Variants in CMBL observed in about 807,000 individuals in gnomAD.
CMBL encodes the protein carboxymethylenebutenolidase homolog (Pseudomonas).
Under a neutral mutation model 28.7 loss-of-function variants are expected in CMBL, and 17 were observed. That is an observed-to-expected ratio of 0.59 (90% confidence interval 0.41 to 0.89). The LOEUF (loss-of-function observed/expected upper bound fraction) is 0.89, where lower values mean the gene tolerates loss of function less well. Among genes scored for constraint, CMBL ranks in the 40% least tolerant of loss-of-function variants. The probability of loss-of-function intolerance (pLI) is 0.00; values close to 1 mark genes in which losing one functional copy is unlikely to be tolerated. For synonymous variants in CMBL, 106 were observed against 101.6 expected (o/e 1.04, Z -0.26); for missense variants, 310 against 298.5 (o/e 1.04, Z -0.28).
intron 1 of CMBL, among the ~76,000 whole-genome samples, chr5:10,302,479 A>AC (rs1251164329): frequency 4.0e-5 from 4 of 100,208 alleles, no homozygotes; most frequent in Non-Finnish European, 6.9e-5. Context: ...CCTTGTCTCT[A>AC]CTAAAAAAAA....
intron 2 of CMBL, among the ~76,000 whole-genome samples, chr5:10,290,139 C>G (rs942654333): frequency 1.3e-5 from 2 of 152,190 alleles, no homozygotes; most frequent in Non-Finnish European, 2.9e-5. Context: ...CCAGGAGGAG[C>G]CTTGGACACC....
chr5:10,300,511 A>T (rs759471948), intron 1 of CMBL, among the ~76,000 whole-genome samples: 1 of 152,168 alleles, frequency 6.6e-6, no homozygotes, highest in Non-Finnish European at 1.5e-5. Context: ...CAATATAATA[A>T]ATCTCCAGAC....
chr5:10,282,601 C>T (rs898773954), intron 4 of CMBL, among the ~76,000 whole-genome samples: 34 of 151,606 alleles, frequency 2.2e-4, no homozygotes, highest in Admixed American at 1.7e-3. Context: ...TGGGTAACAT[C>T]GCAAAACCCT....
chr5:10,293,755 C>T (rs781628619), intron 1 of CMBL, among the ~76,000 whole-genome samples: 11 of 152,218 alleles, frequency 7.2e-5, no homozygotes, highest in East Asian at 1.9e-4. Flanking sequence ...TACTGAGGCA[C>T]CACTCTGTGA....
Position 10,279,076 on chromosome 5 carries a change from C to A in CMBL, c.*1377G>T, listed in dbSNP as rs1746446917. On this transcript the variant is annotated 3_prime_UTR_variant, in exon 6 of 6. Coordinates refer to ENST00000296658, the MANE Select transcript of CMBL (RefSeq NM_138809.4). Reference sequence around the variant, plus strand: ...ACTTGCCCAAAGTCACATGTACGCACCCCGTAGGTGCAGGTGCAGAGTTTC... The same window carrying A: ...ACTTGCCCAAAGTCACATGTACGCAACCCGTAGGTGCAGGTGCAGAGTTTC... Among the ~76,000 whole-genome samples the A allele has an allele frequency of 6.6e-6, 1 of 152,190 alleles. No homozygotes were observed. Among genetic ancestry groups the A allele is most frequent in the South Asian group, 2.1e-4 (1 of 4,832 alleles).
At chr5:10,296,756 T>C (rs1746816995) in intron 1 of CMBL, among the ~76,000 whole-genome samples, 2 of 151,992 alleles carry the variant, frequency 1.3e-5, no homozygotes, top group South Asian at 4.2e-4. Flanking sequence ...AAGTGAAGAA[T>C]GGGTGTTGAG....
chr5:10,282,573 A>C (rs1746514976), intron 4 of CMBL, among the ~76,000 whole-genome samples: 1 of 151,904 alleles, frequency 6.6e-6, no homozygotes, highest in South Asian at 2.1e-4. Flanking sequence ...GCTTGGGCTC[A>C]GGAGTTTGAG....
At chr5:10,282,868 G>C (rs1242766066) in intron 4 of CMBL, among the ~76,000 whole-genome samples, 2 of 151,952 alleles carry the variant, frequency 1.3e-5, no homozygotes, top group Admixed American at 6.6e-5. Flanking sequence ...GAGGAGGGCG[G>C]ATCATGAGGT....
intron 1 of CMBL, among the ~76,000 whole-genome samples, chr5:10,294,417 A>T (rs1746775631): frequency 6.6e-6 from 1 of 152,116 alleles, no homozygotes; most frequent in African/African-American, 2.4e-5. Flanking sequence ...TTCAAAACTT[A>T]ACTGGGCATG....
Position 10,279,618 on chromosome 5 carries a change from T to C in CMBL, c.*835A>G, listed in dbSNP as rs1746463143. The C allele has an allele frequency of 6.6e-6, 1 of 151,858 alleles. No homozygotes were observed. Among genetic ancestry groups the C allele is most frequent in the Admixed American group, 6.6e-5 (1 of 15,234 alleles). 9.4% of individuals were successfully genotyped at this position (151,858 alleles called of 1,614,324 possible). ...GTGCAGTAGCGCAACCTCGACTCAC[T>C]GCAACCTCTGCCTCCAGGTTCAAGT... On this transcript the variant is annotated 3_prime_UTR_variant, in exon 6 of 6. Transcript: ENST00000296658.
At chr5:10,303,014 A>G (rs1746936446) in intron 1 of CMBL, among the ~76,000 whole-genome samples, 1 of 152,184 alleles carries the variant, frequency 6.6e-6, no homozygotes, top group African/African-American at 2.4e-5. Context: ...GTAGCCATCT[A>G]TGAGACTTCA....
rs1037890330 is a variant in CMBL at position 10,291,615 on chromosome 5, C to T, written c.-19-834G>A. On this transcript the variant is annotated intron_variant, in intron 1 of 5. Coordinates refer to ENST00000296658, the MANE Select transcript of CMBL (RefSeq NM_138809.4). ...GGCGGAGCTTGCAGTGAGCCGAGATCGCGCCACTGCACTCCAGCCTGGGGG... is the reference window on the plus strand; with the variant it reads ...GGCGGAGCTTGCAGTGAGCCGAGATTGCGCCACTGCACTCCAGCCTGGGGG... Among the ~76,000 whole-genome samples the T allele has an allele frequency of 9.9e-5, 15 of 151,150 alleles. No individual in the cohort carries two copies. The South Asian group carries it at 1.7e-3, about 17-fold the overall frequency.
At chr5:10,293,710 C>T (rs1746763313) in intron 1 of CMBL, among the ~76,000 whole-genome samples, 1 of 152,212 alleles carries the variant, frequency 6.6e-6, no homozygotes, top group African/African-American at 2.4e-5. Flanking sequence ...TAGAACCAGA[C>T]TCATGTGTAT....
intron 1 of CMBL, 63 bp downstream of exon 1, chr5:10,307,562 G>A (rs566385567): frequency 6.6e-6 from 1 of 152,380 alleles, no homozygotes; most frequent in South Asian, 2.1e-4. Flanking sequence ...AACACACGCG[G>A]GAGTTCAGAG....
At chr5:10,297,727 A>T (rs1746834112) in intron 1 of CMBL, among the ~76,000 whole-genome samples, 1 of 152,000 alleles carries the variant, frequency 6.6e-6, no homozygotes, top group Admixed American at 6.6e-5. Flanking sequence ...ACAATCAATG[A>T]CCCCGGGAGA....
At chr5:10,290,892 C>G (rs1746701742) in intron 1 of CMBL, 111 bp from the exon 2 acceptor site, 1 of 776,150 alleles carries the variant, frequency 1.3e-6, no homozygotes, top group Admixed American at 2.5e-5. Context: ...TTAGCTACAT[C>G]TATGGTATTA....
At chr5:10,286,568 T>A (rs1746608590) in intron 3 of CMBL, 72 bp from the exon 4 acceptor site, 3 of 1,403,672 alleles carry the variant, frequency 2.1e-6, no homozygotes, top group Admixed American at 2.1e-5. Flanking sequence ...GTGCTGATGA[T>A]AACAGGGCTG....
intron 1 of CMBL, among the ~76,000 whole-genome samples, chr5:10,304,637 A>G (rs1746966143): frequency 1.3e-5 from 2 of 152,230 alleles, no homozygotes; most frequent in African/African-American, 4.8e-5. Flanking sequence ...AGAAATGTTG[A>G]GATGAATTGC....
At chr5:10,284,489 C>T (rs185258683) in intron 4 of CMBL, among the ~76,000 whole-genome samples, 2 of 152,324 alleles carry the variant, frequency 1.3e-5, no homozygotes, top group East Asian at 3.9e-4. Flanking sequence ...CAATGGTGCA[C>T]AAGCGACACT....
Sources: allele counts gnomAD v4.1 joint callset (sites outside exome capture counted in the v4.1 genomes callset), GRCh38; gene constraint gnomAD v4.1.1; transcripts MANE v1.5; gene names NCBI Gene and HGNC (gene_info 2026-07-23, HGNC 2026-07-21).